The following ANK3 variants were observed in gnomAD, a reference collection of about 807,000 sequenced individuals.
The protein encoded by ANK3 is ankyrin-3.
In ANK3, 57 loss-of-function variants were observed where a neutral mutation model predicts 370.9. That is an observed-to-expected ratio of 0.15 (90% CI 0.12 to 0.19). The LOEUF (loss-of-function observed/expected upper bound fraction) is 0.19. Ranked by LOEUF, ANK3 falls within the 10% of genes least tolerant of loss-of-function variation. The pLI, the probability that ANK3 is intolerant of heterozygous loss-of-function variation, is 1.00. For synonymous variants in ANK3, 1,929 were observed against 1,946.3 expected, an observed-to-expected ratio of 0.99 and a Z score of 0.23; for missense variants, 4,439 against 5,302.1, an observed-to-expected ratio of 0.84 and a Z score of 5.06.
In ANK3 at chr10:60,073,121, T is replaced by A. The variant is rs1185327906; in HGVS notation, c.7760A>T (p.Lys2587Ile). The A allele has an allele frequency of 6.2e-7, 1 of 1,614,116 alleles. No homozygotes were observed. Among genetic ancestry groups the A allele is most frequent in the Admixed American group, 1.7e-5 (1 of 60,008 alleles). The change falls in exon 37 of 44, where the codon AAA becomes ATA. Residue 2587 changes from lysine to isoleucine, a missense_variant. By Grantham distance (102) the Lys-to-Ile change is moderately radical. Transcript: ENST00000280772. ...VDRTVKEAEE[K>I]LTEVSQFFRD... is the part of the protein sequence containing the mutation. ...AAAAAACTGTGACACTTCAGTCAGT[T>A]TTTCTTCAGCCTCCTTCACAGTCCT...
chr10:60,456,861 A>G (rs2064761916), intron 2 of ANK3, among the ~76,000 whole-genome samples: 1 of 152,110 alleles, frequency 6.6e-6, no homozygotes, highest in Non-Finnish European at 1.5e-5. Context: ...GGTCTGGTTA[A>G]CCTTAATTTA....
intron 16 of ANK3, among the ~76,000 whole-genome samples, chr10:60,190,211 C>T (rs188595291): frequency 4.6e-5 from 7 of 152,278 alleles, no homozygotes; most frequent in Non-Finnish European, 8.8e-5. Context: ...GAGAAGGCAT[C>T]ACATGCTCTA....
At chr10:60,539,295 T>C (rs2076793452) in intron 2 of ANK3, among the ~76,000 whole-genome samples, 1 of 151,920 alleles carries the variant, frequency 6.6e-6, no homozygotes, top group South Asian at 2.1e-4. Context: ...TATAATACCA[T>C]TGATTTTTCT....
At chr10:60,186,536 G>C in intron 17 of ANK3, 179 bp downstream of exon 17, 1 of 724,864 alleles carries the variant, frequency 1.4e-6, no homozygotes, top group Non-Finnish European at 2.4e-6. Flanking sequence ...TTTTCTTATT[G>C]TTTAAACAGA....
chr10:60,591,676 G>C (rs1193710488), intron 2 of ANK3, among the ~76,000 whole-genome samples: 2 of 152,080 alleles, frequency 1.3e-5, no homozygotes, highest in Non-Finnish European at 2.9e-5. Flanking sequence ...AGCAACCTAA[G>C]TATCCATCAA....
At chr10:60,134,405 G>T (rs886744045) in intron 24 of ANK3, 32 bp from the exon 25 acceptor site, 1 of 1,537,058 alleles carries the variant, frequency 6.5e-7, no homozygotes. Context: ...ATTCAACAGT[G>T]GTAGATGATG....
intron 2 of ANK3, among the ~76,000 whole-genome samples, chr10:60,535,427 C>A (rs1340791182): frequency 6.6e-6 from 1 of 152,074 alleles, no homozygotes; most frequent in African/African-American, 2.4e-5. Flanking sequence ...ACTCTGAAAG[C>A]CCCTTTATCT....
intron 1 of ANK3, among the ~76,000 whole-genome samples, chr10:60,697,702 T>G (rs886722385): frequency 2.0e-5 from 3 of 151,470 alleles, no homozygotes; most frequent in Non-Finnish European, 4.4e-5. Flanking sequence ...GCTAGCCATA[T>G]GGAGAAAGCT....
intron 39 of ANK3, among the ~76,000 whole-genome samples, 159 bp from the exon 40 acceptor site, chr10:60,063,413 G>A (rs912678738): frequency 1.3e-5 from 2 of 152,130 alleles, no homozygotes; most frequent in African/African-American, 4.8e-5. Context: ...CAGAATGCTC[G>A]CTGCTACAGG....
At chr10:60,573,102 G>A (rs747846045) in intron 2 of ANK3, 9 of 662,332 alleles carry the variant, frequency 1.4e-5, no homozygotes, top group Non-Finnish European at 1.5e-5. Flanking sequence ...GGAGGCAGTC[G>A]GGAGAGTGAT....
chr10:60,285,579 C>T (rs1180753258), intron 1 of ANK3, among the ~76,000 whole-genome samples: 1 of 152,040 alleles, frequency 6.6e-6, no homozygotes, highest in Admixed American at 6.6e-5. Context: ...TGCCTCACTG[C>T]CTCAACCCAT....
At chr10:60,316,842 G>C (rs1185552977) in intron 1 of ANK3, among the ~76,000 whole-genome samples, 1 of 152,002 alleles carries the variant, frequency 6.6e-6, no homozygotes, top group Non-Finnish European at 1.5e-5. Flanking sequence ...CCGCCTCCCA[G>C]GTTCACGCCA....
intron 2 of ANK3, among the ~76,000 whole-genome samples, chr10:60,519,130 G>A (rs1018447154): frequency 6.6e-6 from 1 of 152,134 alleles, no homozygotes; most frequent in Non-Finnish European, 1.5e-5. Flanking sequence ...AAAAAGTAAC[G>A]TTGCAATATC....
intron 2 of ANK3, among the ~76,000 whole-genome samples, chr10:60,506,636 C>T (rs2075948449): frequency 1.3e-5 from 2 of 152,026 alleles, no homozygotes; most frequent in South Asian, 4.1e-4. Flanking sequence ...CCAGGAGTAT[C>T]CCAGTAAAAT....
chr10:60,502,953 AGAAG>A (rs917181113), intron 2 of ANK3, among the ~76,000 whole-genome samples: 5 of 151,822 alleles, frequency 3.3e-5, no homozygotes, highest in South Asian at 2.1e-4. Flanking sequence ...AAGGAAGTAA[AGAAG>A]GAAGGAAGGG....
chr10:60,322,137 ATATAT>A (rs1007598353), intron 1 of ANK3, among the ~76,000 whole-genome samples: 13 of 152,180 alleles, frequency 8.5e-5, no homozygotes, highest in African/African-American at 3.1e-4. Flanking sequence ...TTCTTAACTA[ATATAT>A]TAAGTAATTA....
At chr10:60,398,049 T>G (rs2063278104) in intron 2 of ANK3, among the ~76,000 whole-genome samples, 2 of 152,136 alleles carry the variant, frequency 1.3e-5, no homozygotes, top group Non-Finnish European at 1.5e-5. Context: ...AGAGTAAATA[T>G]TTCAGGCTCC....
At chr10:60,492,743 AAAAAG>A (rs2075550574) in intron 2 of ANK3, among the ~76,000 whole-genome samples, 1 of 149,106 alleles carries the variant, frequency 6.7e-6, no homozygotes, top group African/African-American at 2.5e-5. Context: ...GAAAGAAAAA[AAAAAG>A]AAATGGCACT....
chr10:60,513,781 C>T (rs1047129161), intron 2 of ANK3, among the ~76,000 whole-genome samples: 2 of 152,038 alleles, frequency 1.3e-5, no homozygotes, highest in Non-Finnish European at 2.9e-5. Context: ...AGCACTATCT[C>T]GGGTAGTCAT....
Sources: allele counts gnomAD v4.1 joint callset (sites outside exome capture counted in the v4.1 genomes callset), GRCh38; gene constraint gnomAD v4.1.1; transcripts MANE v1.5; gene names NCBI Gene and HGNC (gene_info 2026-07-23, HGNC 2026-07-21).